RTP1: variants seen among roughly 807,000 people sequenced by gnomAD.
The protein encoded by RTP1 is receptor-transporting protein 1.
A neutral mutation model predicts 27.1 loss-of-function variants in RTP1; 24 were observed. The ratio of observed to expected loss-of-function variants is 0.89; its 90% confidence interval spans 0.64 to 1.25. The LOEUF (loss-of-function observed/expected upper bound fraction) is 1.25. Among genes scored for constraint, RTP1 ranks in the 50% most tolerant of loss-of-function variants. The pLI is 0.00. For synonymous variants in RTP1, 148 were observed against 148.1 expected, an observed-to-expected ratio of 1.00 and a Z score of 0.00; for missense variants, 338 against 351.6, an observed-to-expected ratio of 0.96 and a Z score of 0.31.
At position 187,199,977 on chromosome 3, in the gene RTP1, C is replaced by A; in HGVS notation, c.699C>A (p.Gly233=). 6.3e-7 allele frequency: 1 copy of A among 1,585,504 alleles called. No individual in the cohort carries two copies. Among genetic ancestry groups the A allele is most frequent in the Non-Finnish European group, 8.6e-7 (1 of 1,164,882 alleles). The change falls in exon 2 of 2, where the codon GGC becomes GGA. Residue 233 remains glycine, a synonymous_variant. Coordinates refer to ENST00000312295, the MANE Select transcript of RTP1 (RefSeq NM_153708.3). ...AGTCGCAGGACCAGACGGGCTCAGG[C>A]TGGAACTTCTGCTCTATCCCCTGGT... ...PTKSQDQTGS[G]WNFCSIPWCL...
rs368686126 is a variant in RTP1 at position 187,198,998 on chromosome 3, T to G, written c.273-553T>G. On this transcript the variant is annotated intron_variant, in intron 1 of 1. Transcript: ENST00000312295. ...TGGCTGGGGACCTGTAATCCCCAGC[T>G]GGCCCCAGTCAGGCCTGGGAGACTA... Among the ~76,000 whole-genome samples, 33 of 152,180 alleles carry G rather than the reference T, an allele frequency of 2.2e-4. No individual in the cohort carries two copies. The East Asian group carries it at 4.9e-3, about 22-fold the overall frequency.
rs1462067554 is a variant in RTP1 at position 187,197,746 on chromosome 3, C to A, written c.231C>A (p.Ser77Arg). 2.5e-6 allele frequency: 4 copies of A among 1,614,104 alleles called. No individual in the cohort carries two copies. The Admixed American group carries it at 5.0e-5, about 20-fold the overall frequency. ...IDPNLKHNVL[S>R]PGWKQYLELH... ...CCAACCTCAAGCACAATGTGCTGAG[C>A]CCTGGTTGGAAGCAGTACCTGGAAT... is the stretch of plus-strand genomic sequence containing the variant. The change falls in exon 1 of 2, where the codon AGC (serine) becomes AGA (arginine). Residue 77 changes from serine to arginine, a missense_variant. Physicochemically the swap from Ser to Arg is moderately radical, Grantham distance 110 (BLOSUM62 -1). Around this residue, in one of 3 missense-constraint regions of RTP1, gnomAD observed 22 missense variants for 45.6 expected, o/e 0.48. Coordinates refer to ENST00000312295, the MANE Select transcript of RTP1 (RefSeq NM_153708.3).
In RTP1 at chr3:187,200,985, C is replaced by T. The variant is rs1470883504; in HGVS notation, c.*915C>T. The T allele has an allele frequency of 2.0e-5, 3 of 152,242 alleles. No individual in the cohort carries two copies. Among genetic ancestry groups the T allele is most frequent in the Non-Finnish European group, 2.9e-5 (2 of 68,068 alleles). The allele number at this position is 152,242 out of a possible 1,614,324, so 9.4% of individuals were successfully genotyped here. On this transcript the variant is annotated 3_prime_UTR_variant, in exon 2 of 2. Transcript: ENST00000312295. Reference sequence around the variant, plus strand: ...TCGGGGACCAAGTCTAGCAGATTCTCAGCAGTGCTGATGGCCAGAATTCAG... The same window carrying T: ...TCGGGGACCAAGTCTAGCAGATTCTTAGCAGTGCTGATGGCCAGAATTCAG...
rs764475836 is a variant in RTP1, at chr3:187,199,962, C to G, written c.684C>G (p.Asp228Glu). The G allele has an allele frequency of 1.9e-6, 3 of 1,594,728 alleles. No individual in the cohort carries two copies. Among genetic ancestry groups the G allele is most frequent in the Non-Finnish European group, 2.6e-6 (3 of 1,169,254 alleles). The change falls in exon 2 of 2, where the codon GAC (aspartate) becomes GAG (glutamate). Residue 228 changes from aspartate to glutamate, a missense_variant. Asp to Glu is a conservative substitution (Grantham distance 45). Transcript: ENST00000312295. Reference sequence around the variant, plus strand: ...CGCCCAGCCCCACCAAGTCGCAGGACCAGACGGGCTCAGGCTGGAACTTCT... The same window carrying G: ...CGCCCAGCCCCACCAAGTCGCAGGAGCAGACGGGCTCAGGCTGGAACTTCT... ...SRAPSPTKSQDQTGSGWNFCS... is the reference protein window; with the variant it reads ...SRAPSPTKSQEQTGSGWNFCS...
chr3:187,199,351 TG>T (rs1245933743), intron 1 of RTP1, 199 bp from the exon 2 acceptor site: 1 of 561,748 alleles, frequency 1.8e-6, no homozygotes, highest in Non-Finnish European at 3.1e-6. Context: ...GGTGACATCC[TG>T]AGGAACCTGC....
intron 1 of RTP1, 113 bp downstream of exon 1, chr3:187,197,900 A>C (rs1315107208): frequency 7.1e-4 from 718 of 1,016,580 alleles, no homozygotes; most frequent in Non-Finnish European, 9.4e-4. Context: ...CTTCAATCTC[A>C]CTATTAGGCT....
chr3:187,198,582 G>A (rs1721643860), intron 1 of RTP1: 1 of 152,184 alleles, frequency 6.6e-6, no homozygotes, highest in South Asian at 2.1e-4. Context: ...CAGAAGCAAG[G>A]CCTTCCTGCT....
chr3:187,199,729 G>A lies in RTP1; in HGVS notation c.451G>A (p.Glu151Lys), dbSNP rs747814477. The A allele has an allele frequency of 6.2e-7, 1 of 1,613,548 alleles. No homozygotes were observed. The highest frequency in any genetic ancestry group is 8.5e-7 in the Non-Finnish European group (1 of 1,179,632). ...GTCCAGCATGCTGGAGGAGAACATC[G>A]AGGGCCTGGTGGACAACCTCATCAC... Reference protein sequence around the residue: ...DESSMLEENIEGLVDNLITSL... With the variant: ...DESSMLEENIKGLVDNLITSL... The change falls in exon 2 of 2, where the codon GAG (glutamate) becomes AAG (lysine). Residue 151 changes from glutamate to lysine, a missense_variant. Around this residue, in one of 3 missense-constraint regions of RTP1, gnomAD observed 252 missense variants for 231.5 expected, o/e 1.09. Transcript: ENST00000312295.
At position 187,199,777 on chromosome 3, in the gene RTP1, G is replaced by T; in HGVS notation, c.499G>T (p.Gly167Cys). 2 of 1,613,354 alleles carry T rather than the reference G, an allele frequency of 1.2e-6. No homozygotes were observed. The highest frequency in any genetic ancestry group is 1.7e-6 in the Non-Finnish European group (2 of 1,179,562). Residue 167 changes from glycine (G) to cysteine (C), a missense_variant, in exon 2 of 2, where the codon GGC becomes TGC. Gly to Cys is a radical substitution (Grantham distance 159). This residue lies in a region of RTP1 where 252 missense variants were observed against 231.5 expected (regional missense o/e 1.09). Transcript: ENST00000312295. ...LITSLREQCY[G>C]ERGGQYRIHV... is the part of the protein sequence containing the mutation. ...CACCAGCCTGCGCGAGCAGTGCTAC[G>T]GCGAGCGTGGCGGCCAGTACCGCAT...
rs908567726 is a variant in RTP1, at chr3:187,200,178, C to T, written c.*108C>T. The T allele has an allele frequency of 8.2e-6, 8 of 970,766 alleles. No individual in the cohort carries two copies. Among genetic ancestry groups the T allele is most frequent in the Non-Finnish European group, 1.0e-5 (7 of 694,874 alleles). 60.1% of individuals were successfully genotyped at this position (970,766 alleles called of 1,614,324 possible). ...TGTAAACTTCTAGCGCTGGTGATGTCACTGACTCAGTGGGGATCTTGGACA... is the reference window on the plus strand; with the variant it reads ...TGTAAACTTCTAGCGCTGGTGATGTTACTGACTCAGTGGGGATCTTGGACA... On this transcript the variant is annotated 3_prime_UTR_variant, in exon 2 of 2. Transcript: ENST00000312295.
Position 187,200,218 on chromosome 3 carries a change from T to G in RTP1, c.*148T>G. ...GATCTTGGACAAATTATACAGTTTT[T>G]CCATCTATAAAACTCAGGGTTTGGG... On this transcript the variant is annotated 3_prime_UTR_variant, in exon 2 of 2. Transcript: ENST00000312295. The G allele has an allele frequency of 1.5e-6, 1 of 669,724 alleles. No individual in the cohort carries two copies. The highest frequency in any genetic ancestry group is 2.2e-6 in the Non-Finnish European group (1 of 454,334). The allele number at this position is 669,724 out of a possible 1,614,324, so 41.5% of individuals were successfully genotyped here.
intron 1 of RTP1, 122 bp downstream of exon 1, chr3:187,197,909 C>T: frequency 2.1e-6 from 2 of 933,936 alleles, no homozygotes; most frequent in East Asian, 2.5e-5. Flanking sequence ...CACTATTAGG[C>T]TGGCGTAGAC....
rs779929340 is a variant in RTP1 at position 187,199,918 on chromosome 3, A to G, written c.640A>G (p.Thr214Ala). The change falls in exon 2 of 2, where the codon ACC becomes GCC. Residue 214 changes from threonine to alanine, a missense_variant. Physicochemically the swap from Thr to Ala is moderately conservative, Grantham distance 58. Coordinates refer to ENST00000312295, the MANE Select transcript of RTP1 (RefSeq NM_153708.3). ...SEKLLEEEAT[T>A]YTFSRAPSPT... ...GAAGCTGCTGGAGGAGGAGGCGACC[A>G]CCTACACCTTCTCCCGGGCGCCCAG... 1.6e-5 allele frequency: 26 copies of G among 1,595,862 alleles called. No homozygotes were observed. Among genetic ancestry groups the G allele is most frequent in the Non-Finnish European group, 2.1e-5 (24 of 1,169,478 alleles).
At chr3:187,199,342 G>A (rs954954358) in intron 1 of RTP1, 27 of 548,752 alleles carry the variant, frequency 4.9e-5, no homozygotes, top group South Asian at 1.5e-4. Flanking sequence ...TGGATGCCCG[G>A]TGACATCCTG....
rs1327698916 is a variant in RTP1 at position 187,197,793 on chromosome 3, T to C, written c.272+6T>C. The C allele has an allele frequency of 1.3e-5, 21 of 1,610,330 alleles. No homozygotes were observed. Among genetic ancestry groups the C allele is most frequent in the Admixed American group, 6.7e-5 (4 of 59,938 alleles). ...GAATTGCATGCTTCAGGCAGGTGAG[T>C]AGCCCAGGAAGGTGGATCCCTGCAG... On this transcript the variant is annotated splice_donor_region_variant and intron_variant, in intron 1 of 1. Transcript: ENST00000312295.
Position 187,200,509 on chromosome 3 carries a change from G to A in RTP1, c.*439G>A, listed in dbSNP as rs1272403769. 1 of 152,630 alleles carries A rather than the reference G, an allele frequency of 6.6e-6. No individual in the cohort carries two copies. Among genetic ancestry groups the A allele is most frequent in the Non-Finnish European group, 1.5e-5 (1 of 68,692 alleles). The allele number at this position is 152,630 out of a possible 1,614,324, so 9.5% of individuals were successfully genotyped here. A position where few individuals can be genotyped will look rare whatever the true frequency, so the allele number is the denominator to read the frequency against. The stretch of plus-strand genomic sequence containing the variant: ...AAAAAGTTTGAAAATTAGAGGACTG[G>A]GTGATCTCAAAAGGGCTTTCCACAG... On this transcript the variant is annotated 3_prime_UTR_variant, in exon 2 of 2. Transcript: ENST00000312295.
Position 187,199,838 on chromosome 3 carries a change from G to A in RTP1, c.560G>A (p.Arg187His), listed in dbSNP as rs140695180. 4.7e-5 allele frequency: 76 copies of A among 1,606,822 alleles called. 1 individual carries two copies. In the African/African-American group the frequency reaches 6.4e-4, roughly 14 times the overall value. ...VASRQDNRRH[R>H]GEFCEACQEG... ...AGCCGCCAGGACAACCGGCGGCACC[G>A]CGGAGAGTTCTGCGAGGCCTGCCAG... The change falls in exon 2 of 2, where the codon CGC becomes CAC. Residue 187 changes from arginine to histidine, a missense_variant. Arg to His is a conservative substitution (Grantham distance 29). Coordinates refer to ENST00000312295, the MANE Select transcript of RTP1 (RefSeq NM_153708.3).
chr3:187,198,040 A>G, intron 1 of RTP1: 2 of 495,940 alleles, frequency 4.0e-6, no homozygotes, highest in Non-Finnish European at 7.2e-6. Context: ...TCTGGAAAAT[A>G]AAGACATAGA....
chr3:187,199,052 C>T (rs561848017), intron 1 of RTP1, among the ~76,000 whole-genome samples: 1 of 152,158 alleles, frequency 6.6e-6, no homozygotes, highest in Non-Finnish European at 1.5e-5. Context: ...GCACAGACTG[C>T]CTCCACCTCC....
Sources: gnomAD v4.1 joint callset for allele counts (sites outside exome capture counted in the v4.1 genomes callset) on GRCh38, gnomAD v4.1.1 for gene constraint, gnomAD v4.1.1 regional missense constraint, MANE v1.5 for transcripts, NCBI Gene and HGNC (gene_info 2026-07-23, HGNC 2026-07-21) for gene names.